The following DGKI variants were observed in gnomAD, a reference collection of about 807,000 sequenced individuals.
DGKI encodes diacylglycerol kinase iota.
In DGKI, 55 loss-of-function variants were observed where a neutral mutation model predicts 147.5. That is an observed-to-expected ratio of 0.37 (90% CI 0.30 to 0.47). The LOEUF (loss-of-function observed/expected upper bound fraction) is 0.47. Among genes scored for constraint, DGKI ranks in the 20% least tolerant of loss-of-function variants. The pLI, the probability that DGKI is intolerant of heterozygous loss-of-function variation, is 1.00. For synonymous variants in DGKI, 469 were observed against 477.1 expected (o/e 0.98, Z 0.22); for missense variants, 1,007 against 1,323.8 (o/e 0.76, Z 3.71).
intron 14 of DGKI, 90 bp downstream of exon 14, chr7:137,585,119 C>T (rs1180556210): frequency 4.9e-6 from 7 of 1,439,518 alleles, no homozygotes; most frequent in Non-Finnish European, 6.7e-6. Flanking sequence ...AGGAATTCAT[C>T]AGCACATGAC....
chr7:137,480,967 T>C (rs1267538026), intron 23 of DGKI, among the ~76,000 whole-genome samples: 1 of 152,152 alleles, frequency 6.6e-6, no homozygotes, highest in Non-Finnish European at 1.5e-5. Flanking sequence ...CCTTTTCTTT[T>C]GTTCCTCTTC....
At position 137,659,272 on chromosome 7, in the gene DGKI, A is replaced by C. The variant is rs148560512; in HGVS notation, c.607-2732T>G. Among the ~76,000 whole-genome samples the C allele has an allele frequency of 4.6e-3, 700 of 152,336 alleles. 8 individuals carry two copies. The highest frequency in any genetic ancestry group is 0.016 in the African/African-American group (651 of 41,576). ...TAAATAAATTCTGAATAAAGGTCCCAGGTCTTTTGCCATAGTAGAAAAGTA... is the reference window on the plus strand; with the variant it reads ...TAAATAAATTCTGAATAAAGGTCCCCGGTCTTTTGCCATAGTAGAAAAGTA... On this transcript the variant is annotated intron_variant, in intron 3 of 32. Transcript: ENST00000614521.
At chr7:137,798,594 A>AT (rs1013159086) in intron 1 of DGKI, among the ~76,000 whole-genome samples, 8 of 151,738 alleles carry the variant, frequency 5.3e-5, no homozygotes, top group Admixed American at 3.9e-4. Context: ...TAATTTTTGT[A>AT]TTTTTTGTAG....
At chr7:137,792,513 T>C (rs1462559836) in intron 1 of DGKI, among the ~76,000 whole-genome samples, 1 of 152,358 alleles carries the variant, frequency 6.6e-6, no homozygotes, top group South Asian at 2.1e-4. Flanking sequence ...TTCTTCCAGT[T>C]AACAATAGCT....
intron 1 of DGKI, among the ~76,000 whole-genome samples, chr7:137,690,943 T>C (rs1434399255): frequency 2.0e-5 from 3 of 152,158 alleles, no homozygotes; most frequent in Admixed American, 1.3e-4. Flanking sequence ...CCAAAAAATG[T>C]CTCACAAGGG....
chr7:137,553,248 T>G (rs1818112707), intron 19 of DGKI, among the ~76,000 whole-genome samples: 1 of 152,256 alleles, frequency 6.6e-6, no homozygotes. Context: ...AGGTAGTTTA[T>G]TAACCTCTAA....
chr7:137,615,531 ATGTGTGTGTGTGTGTG>A (rs5887846), intron 8 of DGKI, among the ~76,000 whole-genome samples: 27 of 135,760 alleles, frequency 2.0e-4, no homozygotes, highest in African/African-American at 5.8e-4. Context: ...ATATGTATGT[ATGTGTGTGTGTGTGTG>A]TGTGTGTGTG....
chr7:137,675,064 A>G (rs1047191414), intron 3 of DGKI, among the ~76,000 whole-genome samples: 1 of 152,178 alleles, frequency 6.6e-6, no homozygotes, highest in African/African-American at 2.4e-5. Context: ...ATTAGAATAT[A>G]AATACATGAT....
intron 10 of DGKI, among the ~76,000 whole-genome samples, chr7:137,603,251 T>C (rs1240376618): frequency 6.6e-6 from 1 of 152,092 alleles, no homozygotes; most frequent in Non-Finnish European, 1.5e-5. Context: ...GGAGAAGCAA[T>C]CAAGAACGGG....
chr7:137,800,044 G>C (rs1312966280), intron 1 of DGKI, among the ~76,000 whole-genome samples: 1 of 152,162 alleles, frequency 6.6e-6, no homozygotes, highest in Non-Finnish European at 1.5e-5. Context: ...TAGGAGGCAT[G>C]GTTGCTTTAG....
intron 13 of DGKI, among the ~76,000 whole-genome samples, chr7:137,586,507 G>A (rs748761746): frequency 5.5e-4 from 83 of 151,840 alleles, no homozygotes; most frequent in Non-Finnish European, 9.1e-4. Context: ...TATATATTGC[G>A]CCTTCTTACT....
At chr7:137,526,263 T>TCCTGCC (rs2128954941) in intron 20 of DGKI, among the ~76,000 whole-genome samples, 1 of 152,174 alleles carries the variant, frequency 6.6e-6, no homozygotes, top group African/African-American at 2.4e-5. Flanking sequence ...TGCCACAAGA[T>TCCTGCC]ACTGCCATAC....
At chr7:137,770,535 T>A (rs887983691) in intron 1 of DGKI, among the ~76,000 whole-genome samples, 1 of 90,068 alleles carries the variant, frequency 1.1e-5, no homozygotes, top group East Asian at 2.7e-4. Flanking sequence ...ACTCAGTGGG[T>A]TTTTTTTTTT....
intron 19 of DGKI, among the ~76,000 whole-genome samples, chr7:137,569,392 GAGT>G (rs1260664461): frequency 3.9e-5 from 6 of 151,960 alleles, no homozygotes; most frequent in African/African-American, 1.5e-4. Context: ...ACAGTTTAGA[GAGT>G]TTTTTCCATC....
At position 137,385,268 on chromosome 7, in the gene DGKI, A is replaced by C. The variant is rs543329001; in HGVS notation, c.*5952T>G. Reference sequence around the variant, plus strand: ...TTAGTTTAAAATTTTTTAAATGATAACTAACGGCCATTCCCCTAGATATTT... The same window carrying C: ...TTAGTTTAAAATTTTTTAAATGATACCTAACGGCCATTCCCCTAGATATTT... On this transcript the variant is annotated 3_prime_UTR_variant, in exon 33 of 33. Coordinates refer to ENST00000614521, the MANE Select transcript of DGKI (RefSeq NM_001321708.2). The C allele has an allele frequency of 1.3e-5, 2 of 152,222 alleles. No homozygotes were observed. Among genetic ancestry groups the C allele is most frequent in the African/African-American group, 4.8e-5 (2 of 41,570 alleles). The allele number at this position is 152,222 out of a possible 1,614,324, so 9.4% of individuals were successfully genotyped here.
rs746808110 is a variant in DGKI at position 137,552,612 on chromosome 7, T to C, written c.1948-44A>G. The C allele has an allele frequency of 1.9e-6, 3 of 1,601,690 alleles. No homozygotes were observed. In the Admixed American group the frequency reaches 5.0e-5, roughly 27 times the overall value. ...AAGGGGAGCAAGGAGTTAGTTATTA[T>C]TTAAGAAAGCTGGAGGCCAGGCGCT... is the stretch of plus-strand genomic sequence containing the variant. On this transcript the variant is annotated intron_variant, in intron 19 of 32. Coordinates refer to ENST00000614521, the MANE Select transcript of DGKI (RefSeq NM_001321708.2).
intron 11 of DGKI, among the ~76,000 whole-genome samples, chr7:137,598,312 C>T (rs1406451940): frequency 6.6e-6 from 1 of 152,100 alleles, no homozygotes; most frequent in Non-Finnish European, 1.5e-5. Context: ...TATATATCCC[C>T]TCTTTATATT....
At chr7:137,453,616 A>G (rs569243664) in intron 27 of DGKI, among the ~76,000 whole-genome samples, 2 of 152,210 alleles carry the variant, frequency 1.3e-5, no homozygotes, top group Non-Finnish European at 2.9e-5. Context: ...AGACAAACAC[A>G]TTCTCTATTC....
intron 2 of DGKI, among the ~76,000 whole-genome samples, chr7:137,679,990 C>CAAA (rs768437551): frequency 2.0e-4 from 11 of 54,058 alleles, no homozygotes; most frequent in African/African-American, 6.2e-4. Context: ...GACTCCATCT[C>CAAA]AAAAAAAAAA....
Sources: gnomAD v4.1 joint callset for allele counts (sites outside exome capture counted in the v4.1 genomes callset) on GRCh38, gnomAD v4.1.1 for gene constraint, MANE v1.5 for transcripts, NCBI Gene and HGNC (gene_info 2026-07-23, HGNC 2026-07-21) for gene names.